The following GFM1 variants were observed in gnomAD, a reference collection of about 807,000 sequenced individuals.
The protein encoded by GFM1 is elongation factor G, mitochondrial.
In GFM1, 62 loss-of-function variants were observed where a neutral mutation model predicts 96.2. The ratio of observed to expected loss-of-function variants is 0.64; its 90% CI spans 0.53 to 0.80. GFM1 has a LOEUF of 0.80. GFM1 is among the 30% of genes least tolerant of loss of function. The pLI is 0.00. For synonymous variants in GFM1, 282 were observed against 312.9 expected (o/e 0.90, Z 1.04); for missense variants, 852 against 916.6 (o/e 0.93, Z 0.91).
chr3:158,666,986 T>C, intron 13 of GFM1: 1 of 1,585,034 alleles, frequency 6.3e-7, no homozygotes, highest in Non-Finnish European at 8.6e-7. Context: ...CAGAATGGCA[T>C]CAAATAAAGG....
At chr3:158,677,420 A>G (rs895477326) in intron 13 of GFM1, among the ~76,000 whole-genome samples, 2 of 152,274 alleles carry the variant, frequency 1.3e-5, no homozygotes, top group African/African-American at 4.8e-5. Flanking sequence ...TGAAGCAGCA[A>G]GTGCTGATGT....
chr3:158,652,833 G>A (rs1450613600), intron 6 of GFM1, among the ~76,000 whole-genome samples: 1 of 152,222 alleles, frequency 6.6e-6, no homozygotes, highest in African/African-American at 2.4e-5. Flanking sequence ...AAGGTAAACA[G>A]TAAACACCCT....
intron 8 of GFM1, chr3:158,657,425 T>C (rs923667202): frequency 6.6e-6 from 1 of 151,040 alleles, no homozygotes; most frequent in African/African-American, 2.5e-5. Context: ...AATATCATCA[T>C]TGAGTATTGT....
At chr3:158,649,695 C>A in intron 5 of GFM1, 1 of 310,686 alleles carries the variant, frequency 3.2e-6, no homozygotes, top group Non-Finnish European at 5.9e-6. Flanking sequence ...GTATTTGGTC[C>A]ATCAGCTCTT....
rs1723290510 is a variant in GFM1 at position 158,662,696 on chromosome 3, A to C, written c.1380+12A>C. 6.5e-7 allele frequency: 1 copy of C among 1,535,266 alleles called. No homozygotes were observed. The highest frequency in any genetic ancestry group is 1.4e-5 in the African/African-American group (1 of 73,332). ...AGCCTTCTAACAAGGTAGGAGTTTG[A>C]TTTAAAGCTCAGTATATCACAATTA... On this transcript the variant is annotated intron_variant, in intron 11 of 17. Transcript: ENST00000486715.
rs1722724198 is a variant in GFM1, at chr3:158,656,022, T to C, written c.1083+1391T>C. The C allele has an allele frequency of 7.0e-6, 3 of 429,498 alleles. No homozygotes were observed. In the Admixed American group the frequency reaches 7.7e-5, roughly 11 times the overall value. 26.6% of individuals were successfully genotyped at this position (429,498 alleles called of 1,614,324 possible). ...TCAATTTGGGTTTATTATTTGATGC[T>C]TTTCACATGATTAGATTGGAGTCAT... On this transcript the variant is annotated intron_variant, in intron 8 of 17. Transcript: ENST00000486715.
intron 8 of GFM1, among the ~76,000 whole-genome samples, chr3:158,657,807 T>C (rs980235733): frequency 6.6e-6 from 1 of 152,192 alleles, no homozygotes; most frequent in Admixed American, 6.5e-5. Context: ...GTCATGTTTC[T>C]TTATCATCTA....
At chr3:158,666,000 A>C (rs1025559307) in intron 12 of GFM1, among the ~76,000 whole-genome samples, 1 of 152,210 alleles carries the variant, frequency 6.6e-6, no homozygotes, top group Non-Finnish European at 1.5e-5. Context: ...AATCCTGACA[A>C]CAGATTTATA....
chr3:158,668,408 G>T, intron 13 of GFM1, among the ~76,000 whole-genome samples: 1 of 151,830 alleles, frequency 6.6e-6, no homozygotes, highest in South Asian at 2.1e-4. Context: ...TTTGATTCTC[G>T]GTTGTTTGTA....
At chr3:158,684,745 C>T (rs951252508) in intron 15 of GFM1, 77 bp downstream of exon 15, 4 of 1,471,608 alleles carry the variant, frequency 2.7e-6, no homozygotes, top group Non-Finnish European at 2.8e-6. Flanking sequence ...ACACTGTTTT[C>T]AGTCTTCTTC....
chr3:158,647,089 A>C (rs2108004285), intron 4 of GFM1, 142 bp downstream of exon 4: 2 of 702,066 alleles, frequency 2.8e-6, no homozygotes, highest in East Asian at 5.5e-5. Flanking sequence ...TAGTAAGTGG[A>C]ACACTGATTT....
intron 6 of GFM1, 148 bp downstream of exon 6, chr3:158,652,394 C>T (rs575835640): frequency 4.4e-5 from 31 of 704,480 alleles, no homozygotes; most frequent in Non-Finnish European, 7.0e-5. Flanking sequence ...TCAAAAAATA[C>T]TTGACATGGT....
Position 158,689,941 on chromosome 3 carries a change from TATG to T in GFM1, c.1910-219_1910-217del, listed in dbSNP as rs1291321487. On this transcript the variant is annotated intron_variant, in intron 15 of 17. Coordinates refer to ENST00000486715, the MANE Select transcript of GFM1 (RefSeq NM_024996.7). ...ATTTAATGAGTTTTAAGGATAAAAA[TATG>T]ATAATGGAAATACCAATATTAAAAT... Among the ~76,000 whole-genome samples, 8 of 152,114 alleles carry T rather than the reference TATG, an allele frequency of 5.3e-5. No homozygotes were observed. The South Asian group carries it at 1.4e-3, about 28-fold the overall frequency.
chr3:158,667,538 C>G (rs759777788), intron 13 of GFM1, among the ~76,000 whole-genome samples: 2 of 152,176 alleles, frequency 1.3e-5, no homozygotes, highest in Non-Finnish European at 1.5e-5. Context: ...ATAATCCGAG[C>G]ACTTTGCGGG....
chr3:158,677,986 G>T (rs1003558305), intron 13 of GFM1, among the ~76,000 whole-genome samples: 1 of 152,138 alleles, frequency 6.6e-6, no homozygotes, highest in Admixed American at 6.5e-5. Context: ...CTTTCTCATT[G>T]TCAAAATCCT....
rs1726360902 is a variant in GFM1 at position 158,691,972 on chromosome 3, C to CT, written c.*506dup. On this transcript the variant is annotated 3_prime_UTR_variant, in exon 18 of 18. Coordinates refer to ENST00000486715, the MANE Select transcript of GFM1 (RefSeq NM_024996.7). ...TATTATCTGTTTAAGTCTCATAACT[C>CT]TATTTTTAGTTTGCTGAAGACTTGA... 1 of 158,336 alleles carries CT rather than the reference C, an allele frequency of 6.3e-6. No individual in the cohort carries two copies. Among genetic ancestry groups the CT allele is most frequent in the African/African-American group, 2.4e-5 (1 of 41,474 alleles). 9.8% of individuals were successfully genotyped at this position (158,336 alleles called of 1,614,324 possible). A position where few individuals can be genotyped will look rare whatever the true frequency, so the allele number is the denominator to read the frequency against.
At position 158,646,595 on chromosome 3, in the gene GFM1, G is replaced by C. The variant is rs560673794; in HGVS notation, c.368-148G>C. The C allele has an allele frequency of 1.9e-4, 152 of 782,460 alleles. No individual in the cohort carries two copies. In the African/African-American group the frequency reaches 2.5e-3, roughly 13 times the overall value. The allele number at this position is 782,460 out of a possible 1,614,324, so 48.5% of individuals were successfully genotyped here. A position where few individuals can be genotyped will look rare whatever the true frequency, so the allele number is the denominator to read the frequency against. Reference sequence around the variant, plus strand: ...TGATCTTGCCAGGCCCTGCACCTAAGGGTTGGTGAATAGTATTGGTGAGCT... The same window carrying C: ...TGATCTTGCCAGGCCCTGCACCTAACGGTTGGTGAATAGTATTGGTGAGCT... On this transcript the variant is annotated intron_variant, in intron 3 of 17. Transcript: ENST00000486715.
Position 158,693,678 on chromosome 3 carries a change from T to G in GFM1, c.*2211T>G, listed in dbSNP as rs1176563573. On this transcript the variant is annotated 3_prime_UTR_variant, in exon 18 of 18. Transcript: ENST00000486715. ...TTATACTACTATCAAGAAGGATAAT[T>G]GTTGGCTAATTCAAATATTACATCC... 1 of 152,238 alleles carries G rather than the reference T, an allele frequency of 6.6e-6. No homozygotes were observed. Among genetic ancestry groups the G allele is most frequent in the African/African-American group, 2.4e-5 (1 of 41,458 alleles). 9.4% of individuals were successfully genotyped at this position (152,238 alleles called of 1,614,324 possible).
At chr3:158,678,939 C>T (rs1429748329) in intron 13 of GFM1, among the ~76,000 whole-genome samples, 1 of 152,170 alleles carries the variant, frequency 6.6e-6, no homozygotes, top group African/African-American at 2.4e-5. Context: ...GAGTCTGAGG[C>T]AGGAAGATCA....
Sources: allele counts gnomAD v4.1 joint callset (sites outside exome capture counted in the v4.1 genomes callset), GRCh38; gene constraint gnomAD v4.1.1; transcripts MANE v1.5; gene names NCBI Gene and HGNC (gene_info 2026-07-23, HGNC 2026-07-21).